ZSCAN2: variants seen among roughly 807,000 people sequenced by gnomAD.
ZSCAN2 encodes zinc finger and SCAN domain-containing protein 2.
In ZSCAN2, 26 loss-of-function variants were observed where a neutral mutation model predicts 47.8. That is an observed-to-expected ratio of 0.54 (90% CI 0.40 to 0.75). The LOEUF (loss-of-function observed/expected upper bound fraction) is 0.75. ZSCAN2 is among the 30% of genes least tolerant of loss of function. ZSCAN2 has a pLI of 0.00. For missense variants in ZSCAN2, 732 were observed against 785.4 expected (o/e 0.93, Z 0.81); for synonymous variants, 305 against 288.7 (o/e 1.06, Z -0.57).
intron 2 of ZSCAN2, among the ~76,000 whole-genome samples, chr15:84,604,619 A>G (rs1436032996): frequency 6.6e-6 from 1 of 152,230 alleles, no homozygotes; most frequent in Non-Finnish European, 1.5e-5. Context: ...GATGGAAGTT[A>G]AACGGGAGGA....
chr15:84,603,689 T>C, intron 1 of ZSCAN2, 131 bp from the exon 2 acceptor site: 1 of 436,768 alleles, frequency 2.3e-6, no homozygotes, highest in Non-Finnish European at 4.1e-6. Flanking sequence ...ATTTTTTCTT[T>C]AAGAAGAACA....
At chr15:84,619,429 C>CAA (rs760419756) in intron 2 of ZSCAN2, among the ~76,000 whole-genome samples, 3 of 109,448 alleles carry the variant, frequency 2.7e-5, no homozygotes, top group Admixed American at 1.0e-4. Context: ...GACTCCGTCT[C>CAA]AAAAAAAAAA....
chr15:84,621,864 C>A lies in ZSCAN2; in HGVS notation c.1669C>A (p.Pro557Thr). The A allele has an allele frequency of 6.2e-7, 1 of 1,614,214 alleles. No homozygotes were observed. The highest frequency in any genetic ancestry group is 8.5e-7 in the Non-Finnish European group (1 of 1,180,038). The change falls in exon 3 of 3, where the codon CCC (proline) becomes ACC (threonine). Residue 557 changes from proline to threonine, a missense_variant. Physicochemically the swap from Pro to Thr is conservative, Grantham distance 38. This residue lies in a region of ZSCAN2 where 412 missense variants were observed against 498.0 expected (regional missense o/e 0.83). Coordinates refer to ENST00000546148, the MANE Select transcript of ZSCAN2 (RefSeq NM_181877.4). This position sits in a 1 kb window ranked among gnomAD's most constrained non-coding sequence, Gnocchi z 5.7. ...MHQRAHLGDK[P>T]YRCPECGKGF... Reference sequence around the variant, plus strand: ...CCAGAGAGCCCATTTGGGAGACAAGCCCTACAGGTGCCCTGAGTGTGGGAA... The same window carrying A: ...CCAGAGAGCCCATTTGGGAGACAAGACCTACAGGTGCCCTGAGTGTGGGAA...
chr15:84,610,287 T>G (rs759788946), intron 2 of ZSCAN2, among the ~76,000 whole-genome samples: 2 of 152,196 alleles, frequency 1.3e-5, no homozygotes, highest in Non-Finnish European at 2.9e-5. Context: ...CCAGATGGAT[T>G]ACAGATCTGT....
intron 1 of ZSCAN2, among the ~76,000 whole-genome samples, chr15:84,601,495 A>G (rs1895201150): frequency 6.6e-6 from 1 of 152,186 alleles, no homozygotes; most frequent in Non-Finnish European, 1.5e-5. Context: ...CTGACCTGGC[A>G]CACTTTTCCC....
At chr15:84,603,457 C>T (rs1021573095) in intron 1 of ZSCAN2, among the ~76,000 whole-genome samples, 1 of 151,656 alleles carries the variant, frequency 6.6e-6, no homozygotes, top group Non-Finnish European at 1.5e-5. Flanking sequence ...CAACCTCCGC[C>T]TCCTGGGTTC....
rs1895805439 is a variant in ZSCAN2, at chr15:84,621,069, A to C, written c.874A>C (p.Asn292His). 1.2e-6 allele frequency: 2 copies of C among 1,614,100 alleles called. No homozygotes were observed. The highest frequency in any genetic ancestry group is 1.7e-6 in the Non-Finnish European group (2 of 1,180,030). The change falls in exon 3 of 3, where the codon AAC becomes CAC. Residue 292 changes from asparagine (N) to histidine (H), a missense_variant. Physicochemically the swap from Asn to His is moderately conservative, Grantham distance 68 (BLOSUM62 1). Transcript: ENST00000546148. This position sits in a 1 kb window ranked among gnomAD's most constrained non-coding sequence, Gnocchi z 5.7. ...TGGGAAGAGCTTTAGCCGGAGTGCC[A>C]ACCTCATAACCCACCAGAGGATCCA... ...DCGKSFSRSA[N>H]LITHQRIHTG...
At chr15:84,613,129 C>A (rs1433083671) in intron 2 of ZSCAN2, among the ~76,000 whole-genome samples, 1 of 152,148 alleles carries the variant, frequency 6.6e-6, no homozygotes, top group Non-Finnish European at 1.5e-5. Flanking sequence ...ATTTAAGAGG[C>A]CAACCGTATT....
intron 2 of ZSCAN2, among the ~76,000 whole-genome samples, chr15:84,609,414 T>C (rs1895481571): frequency 6.6e-6 from 1 of 150,962 alleles, no homozygotes; most frequent in South Asian, 2.1e-4. Flanking sequence ...CCTCGAACTC[T>C]TGGCCTCAAG....
rs576607637 is a variant in ZSCAN2 at position 84,613,870 on chromosome 15, T to TG, written c.407-6728dup. The stretch of plus-strand genomic sequence containing the variant: ...CTCATTTTTGTATTTTTAGTAGAGA[T>TG]GGGGTTTCACCATGTTGGCCAGGCT... On this transcript the variant is annotated intron_variant, in intron 2 of 2. Transcript: ENST00000546148. Among the ~76,000 whole-genome samples the TG allele has an allele frequency of 4.3e-3, 659 of 151,788 alleles. 4 individuals are homozygous for TG. The highest frequency in any genetic ancestry group is 0.027 in the Middle Eastern group (8 of 294).
intron 2 of ZSCAN2, among the ~76,000 whole-genome samples, chr15:84,620,112 G>T (rs1184177983): frequency 6.6e-6 from 1 of 152,012 alleles, no homozygotes; most frequent in Non-Finnish European, 1.5e-5. Flanking sequence ...CTCCCCCACA[G>T]GCCCCAGGGT....
chr15:84,606,725 C>A, intron 2 of ZSCAN2: 1 of 1,425,042 alleles, frequency 7.0e-7, no homozygotes, highest in Non-Finnish European at 9.1e-7. Flanking sequence ...TTCCCATCCA[C>A]CTTGCAGCAG....
chr15:84,606,415 A>C, intron 2 of ZSCAN2: 1 of 814,020 alleles, frequency 1.2e-6, no homozygotes. Context: ...CTCTTTCTGC[A>C]TGGAGATCTC....
chr15:84,616,466 C>T, intron 2 of ZSCAN2: 1 of 1,503,554 alleles, frequency 6.7e-7, no homozygotes. Flanking sequence ...TCCCTCCCAC[C>T]CCAGGGCTCT....
chr15:84,603,485 C>T (rs1006701501), intron 1 of ZSCAN2, among the ~76,000 whole-genome samples: 2 of 151,704 alleles, frequency 1.3e-5, no homozygotes, highest in African/African-American at 4.8e-5. Context: ...TCTCCTGCCT[C>T]AGCCTCCCAA....
chr15:84,616,741 A>T (rs905563986), intron 2 of ZSCAN2: 2 of 973,666 alleles, frequency 2.1e-6, no homozygotes, highest in Non-Finnish European at 1.2e-6. Context: ...TGGTCATGTT[A>T]GTTTGCTAAA....
Position 84,620,662 on chromosome 15 carries a change from C to T in ZSCAN2, c.467C>T (p.Ser156Leu). ...NCNQDMFENESRKIFSEMPEG... is the reference protein window; with the variant it reads ...NCNQDMFENELRKIFSEMPEG... ...AATCAAGACATGTTTGAGAATGAAT[C>T]ACGTAAGATATTCTCGGAAATGCCT... The change falls in exon 3 of 3, where the codon TCA becomes TTA. Residue 156 changes from serine to leucine, a missense_variant. Coordinates refer to ENST00000546148, the MANE Select transcript of ZSCAN2 (RefSeq NM_181877.4). The T allele has an allele frequency of 1.2e-6, 2 of 1,613,890 alleles. No homozygotes were observed. Among genetic ancestry groups the T allele is most frequent in the Non-Finnish European group, 1.7e-6 (2 of 1,179,786 alleles).
chr15:84,609,545 G>A (rs775375241), intron 2 of ZSCAN2, among the ~76,000 whole-genome samples: 3 of 152,158 alleles, frequency 2.0e-5, no homozygotes, highest in Non-Finnish European at 4.4e-5. Context: ...AGAATTCTTA[G>A]GGAGCGGTAA....
chr15:84,608,285 T>C (rs1895440988), intron 2 of ZSCAN2, among the ~76,000 whole-genome samples: 1 of 151,930 alleles, frequency 6.6e-6, no homozygotes, highest in East Asian at 1.9e-4. Context: ...ATCCCAGCAC[T>C]TGGTGAGGCC....
Sources: allele counts gnomAD v4.1 joint callset (sites outside exome capture counted in the v4.1 genomes callset), GRCh38; gene constraint gnomAD v4.1.1; regional missense constraint gnomAD v4.1.1; non-coding constraint Gnocchi (gnomAD v3.1); transcripts MANE v1.5; gene names NCBI Gene and HGNC (gene_info 2026-07-23, HGNC 2026-07-21).